MON2: variants seen among roughly 807,000 people sequenced by gnomAD.
MON2 encodes the protein protein MON2 homolog.
A neutral mutation model predicts 208.6 loss-of-function variants in MON2; 84 were observed. That is an observed-to-expected ratio of 0.40 (90% confidence interval 0.34 to 0.48). MON2 has a LOEUF of 0.48. MON2 is among the 20% of genes least tolerant of loss of function. The pLI is 0.59. For synonymous variants in MON2, 660 were observed against 694.0 expected, an observed-to-expected ratio of 0.95 and a Z score of 0.77; for missense variants, 1,611 against 2,015.4, an observed-to-expected ratio of 0.80 and a Z score of 3.84.
At position 62,597,162 on chromosome 12, in the gene MON2, G is replaced by A. The variant is rs1027734167; in HGVS notation, c.*4413G>A. 1.3e-5 allele frequency: 2 copies of A among 152,084 alleles called. No individual in the cohort carries two copies. Among genetic ancestry groups the A allele is most frequent in the Non-Finnish European group, 2.9e-5 (2 of 68,012 alleles). The allele number at this position is 152,084 out of a possible 1,614,324, so 9.4% of individuals were successfully genotyped here. A position where few individuals can be genotyped will look rare whatever the true frequency, so the allele number is the denominator to read the frequency against. On this transcript the variant is annotated 3_prime_UTR_variant, in exon 35 of 35. Transcript: ENST00000393630. ...TGTTTGATAAATTTATTACTATATT[G>A]TAAGAGAGATCTTTGACCATTTTTC...
intron 11 of MON2, among the ~76,000 whole-genome samples, chr12:62,528,363 G>GT (rs1387123347): frequency 6.6e-6 from 1 of 151,904 alleles, no homozygotes; most frequent in Admixed American, 6.6e-5. Flanking sequence ...TAGTTTGGAC[G>GT]TAAGTATTGG....
chr12:62,510,165 A>G (rs1211772929), intron 8 of MON2, among the ~76,000 whole-genome samples: 2 of 152,178 alleles, frequency 1.3e-5, no homozygotes, highest in African/African-American at 2.4e-5. Context: ...TTAATAATGA[A>G]AAACCTTCCA....
intron 24 of MON2, among the ~76,000 whole-genome samples, chr12:62,554,189 A>G (rs2073868688): frequency 6.6e-6 from 1 of 152,154 alleles, no homozygotes; most frequent in Non-Finnish European, 1.5e-5. Context: ...CTTGCTGCCT[A>G]ATTCTTAATG....
intron 25 of MON2, chr12:62,559,845 A>C (rs1332693303): frequency 6.6e-6 from 1 of 152,150 alleles, no homozygotes; most frequent in Non-Finnish European, 1.5e-5. Context: ...TATAAAGTTA[A>C]GATTTATGAA....
At chr12:62,552,793 C>A in intron 23 of MON2, 88 bp from the exon 24 acceptor site, 1 of 982,270 alleles carries the variant, frequency 1.0e-6, no homozygotes, top group Non-Finnish European at 1.5e-6. Context: ...AAGTTTTACT[C>A]TGAAAGGTAA....
intron 2 of MON2, among the ~76,000 whole-genome samples, chr12:62,490,519 T>C (rs895874829): frequency 2.0e-5 from 3 of 152,126 alleles, no homozygotes; most frequent in Admixed American, 1.3e-4. Flanking sequence ...TGGATATCTC[T>C]CAGTTGGAAG....
At chr12:62,564,041 G>GA (rs201554054) in intron 26 of MON2, among the ~76,000 whole-genome samples, 1,948 of 152,010 alleles carry the variant, frequency 0.013, 26 homozygotes, top group South Asian at 0.024. Context: ...TTATTTCTGA[G>GA]AAAAAAATAT....
At chr12:62,491,230 A>G (rs1343144087) in intron 2 of MON2, among the ~76,000 whole-genome samples, 1 of 152,188 alleles carries the variant, frequency 6.6e-6, no homozygotes, top group Non-Finnish European at 1.5e-5. Context: ...AACATGCAGA[A>G]TGGGTGCCAT....
At chr12:62,521,594 G>A (rs1050797396) in intron 8 of MON2, among the ~76,000 whole-genome samples, 5 of 152,134 alleles carry the variant, frequency 3.3e-5, no homozygotes, top group Non-Finnish European at 5.9e-5. Context: ...TATTCACCAG[G>A]TTATCTCACT....
At chr12:62,533,557 T>C (rs558348788) in intron 12 of MON2, among the ~76,000 whole-genome samples, 2 of 152,350 alleles carry the variant, frequency 1.3e-5, no homozygotes, top group East Asian at 3.9e-4. Flanking sequence ...CGTGTGTCCT[T>C]TGGACATGTC....
intron 7 of MON2, among the ~76,000 whole-genome samples, chr12:62,506,658 G>A (rs1256755641): frequency 6.6e-6 from 1 of 151,858 alleles, no homozygotes; most frequent in African/African-American, 2.4e-5. Flanking sequence ...CCTGGGAGGT[G>A]GAGGTTGCAG....
intron 32 of MON2, among the ~76,000 whole-genome samples, chr12:62,583,983 A>C (rs1175459184): frequency 6.6e-6 from 1 of 151,392 alleles, no homozygotes; most frequent in Non-Finnish European, 1.5e-5. Flanking sequence ...AACAAAAAAA[A>C]AAAACAGACA....
At chr12:62,535,747 G>A in intron 14 of MON2, 38 bp downstream of exon 14, 1 of 1,512,676 alleles carries the variant, frequency 6.6e-7, no homozygotes. Context: ...CTATGTAGTG[G>A]GATGATATGG....
chr12:62,553,307 A>C lies in MON2; in HGVS notation c.3210+133A>C, dbSNP rs566793401. 4.2e-5 allele frequency: 35 copies of C among 827,098 alleles called. No individual in the cohort carries two copies. The African/African-American group carries it at 5.4e-4, about 13-fold the overall frequency. 51.2% of individuals were successfully genotyped at this position (827,098 alleles called of 1,614,324 possible). A position where few individuals can be genotyped will look rare whatever the true frequency, so the allele number is the denominator to read the frequency against. On this transcript the variant is annotated intron_variant, in intron 24 of 34. Coordinates refer to ENST00000393630, the MANE Select transcript of MON2 (RefSeq NM_015026.3). ...TTGTGTATTTGACAAAACAGGAAAT[A>C]ACTGTGTCATATTGTAAATTGTACC...
At chr12:62,488,978 A>G (rs2069952957) in intron 2 of MON2, among the ~76,000 whole-genome samples, 1 of 152,150 alleles carries the variant, frequency 6.6e-6, no homozygotes, top group African/African-American at 2.4e-5. Context: ...CTGCACATGT[A>G]TCCGAGAACT....
chr12:62,543,245 C>A, intron 20 of MON2, 47 bp downstream of exon 20: 1 of 1,027,386 alleles, frequency 9.7e-7, no homozygotes, highest in Non-Finnish European at 1.4e-6. Flanking sequence ...TAAACATTTG[C>A]ACACTGAGCT....
In MON2 at chr12:62,594,150, A is replaced by G. The variant is rs2136528680; in HGVS notation, c.*1401A>G. On this transcript the variant is annotated 3_prime_UTR_variant, in exon 35 of 35. Transcript: ENST00000393630. ...AAGATGTTTAAAACAATGATTATTCATAAGAAATCATGATGGTCTCAGTAT... is the reference window on the plus strand; with the variant it reads ...AAGATGTTTAAAACAATGATTATTCGTAAGAAATCATGATGGTCTCAGTAT... 6.6e-6 allele frequency: 1 copy of G among 152,286 alleles called. No homozygotes were observed. Among genetic ancestry groups the G allele is most frequent in the Middle Eastern group, 3.4e-3 (1 of 294 alleles). 9.4% of individuals were successfully genotyped at this position (152,286 alleles called of 1,614,324 possible). A position where few individuals can be genotyped will look rare whatever the true frequency, so the allele number is the denominator to read the frequency against.
chr12:62,499,448 A>G (rs533936911), intron 5 of MON2, among the ~76,000 whole-genome samples: 12 of 152,272 alleles, frequency 7.9e-5, no homozygotes, highest in African/African-American at 2.4e-4. Context: ...TCAGTGTTTT[A>G]TAACTGTTTT....
chr12:62,532,799 AT>A, intron 12 of MON2, 129 bp downstream of exon 12: 6 of 674,840 alleles, frequency 8.9e-6, no homozygotes, highest in Non-Finnish European at 1.5e-5. Context: ...TTACCTTACC[AT>A]TTTCTTGAAT....
Sources: allele counts gnomAD v4.1 joint callset (sites outside exome capture counted in the v4.1 genomes callset), GRCh38; gene constraint gnomAD v4.1.1; transcripts MANE v1.5; gene names NCBI Gene and HGNC (gene_info 2026-07-23, HGNC 2026-07-21).